Variants in COL5A1 observed in about 807,000 individuals in gnomAD.
COL5A1 encodes collagen alpha-1(V) chain.
COL5A1 carries 16 observed loss-of-function variants against 263.7 expected under a neutral mutation model. The observed-to-expected ratio is 0.06, with a 90% CI of 0.04 to 0.09. The LOEUF is 0.09. Among genes scored for constraint, COL5A1 ranks in the 10% least tolerant of loss-of-function variants. COL5A1 has a pLI of 1.00. For missense variants in COL5A1, 2,036 were observed against 2,540.5 expected, an observed-to-expected ratio of 0.80 and a Z score of 4.27; for synonymous variants, 1,012 against 1,004.5, an observed-to-expected ratio of 1.01 and a Z score of -0.14.
rs1369816693 is a variant in COL5A1 at position 134,841,457 on chromosome 9, G to A, written c.5371-700G>A. Among the ~76,000 whole-genome samples the A allele has an allele frequency of 6.6e-6, 1 of 152,162 alleles. No homozygotes were observed. Among genetic ancestry groups the A allele is most frequent in the East Asian group, 1.9e-4 (1 of 5,178 alleles). On this transcript the variant is annotated intron_variant, in intron 65 of 65. Transcript: ENST00000371817. The surrounding 1 kb of genome is among the most constrained non-coding windows in gnomAD (Gnocchi z 4.8). ...TCCATCCCACATCCCAGCGCCCAGG[G>A]TTGTGCTGTTTTGAGCAAGGGATGG...
At chr9:134,820,896 GAC>G (rs1025710728) in intron 58 of COL5A1, among the ~76,000 whole-genome samples, 1 of 152,082 alleles carries the variant, frequency 6.6e-6, no homozygotes, top group African/African-American at 2.4e-5. Flanking sequence ...AGGTGTGACG[GAC>G]ACACACACGC....
chr9:134,753,961 C>T (rs371420777), intron 15 of COL5A1, 58 bp downstream of exon 15: 17 of 1,466,796 alleles, frequency 1.2e-5, no homozygotes, highest in South Asian at 7.9e-5. Context: ...CCGGCGGCAG[C>T]GACGGCGAGC....
At chr9:134,662,577 T>TG (rs1170522560) in intron 1 of COL5A1, among the ~76,000 whole-genome samples, 1 of 152,186 alleles carries the variant, frequency 6.6e-6, no homozygotes, top group East Asian at 1.9e-4. Flanking sequence ...CCTTGGGTGA[T>TG]GGGAGGCTGA....
chr9:134,835,182 G>A lies in COL5A1; in HGVS notation c.5348G>A (p.Arg1783His), dbSNP rs777045810. ...TCCTATGACAACAACCCCTACATCC[G>A]CGCCCTGGTGGACGGCTGTGCTGTG... ...EMSYDNNPYI[R>H]ALVDGCATKK... The change falls in exon 65 of 66, where the codon CGC becomes CAC. Residue 1783 changes from arginine (R) to histidine (H), a missense_variant. Arg to His is a conservative substitution (Grantham distance 29). Around this residue, in one of 3 missense-constraint regions of COL5A1, gnomAD observed 358 missense variants for 384.6 expected, o/e 0.93. Coordinates refer to ENST00000371817, the MANE Select transcript of COL5A1 (RefSeq NM_000093.5). 2.5e-5 allele frequency: 41 copies of A among 1,613,652 alleles called. 1 individual carries two copies. Among genetic ancestry groups the A allele is most frequent in the South Asian group, 2.0e-4 (18 of 91,082 alleles).
chr9:134,842,659 C>A lies in COL5A1; in HGVS notation c.*356C>A. On this transcript the variant is annotated 3_prime_UTR_variant, in exon 66 of 66. Transcript: ENST00000371817. This position sits in a 1 kb window ranked among gnomAD's most constrained non-coding sequence, Gnocchi z 5.8. Reference sequence around the variant, plus strand: ...TAGGTCTCAGGGGTTGGGGGAGGGACTGCCAGATTTGGACACTATATTTTT... The same window carrying A: ...TAGGTCTCAGGGGTTGGGGGAGGGAATGCCAGATTTGGACACTATATTTTT... The A allele has an allele frequency of 2.5e-6, 1 of 392,544 alleles. No homozygotes were observed. Among genetic ancestry groups the A allele is most frequent in the South Asian group, 3.6e-5 (1 of 27,674 alleles). 24.3% of individuals were successfully genotyped at this position (392,544 alleles called of 1,614,324 possible).
intron 1 of COL5A1, among the ~76,000 whole-genome samples, chr9:134,676,576 T>C (rs1338508202): frequency 1.2e-5 from 1 of 82,652 alleles, no homozygotes; most frequent in African/African-American, 6.5e-5. Flanking sequence ...TACATCTGCA[T>C]TGAGATCCTG....
chr9:134,774,715 C>CG (rs1836990031), intron 26 of COL5A1, 144 bp from the exon 27 acceptor site: 8 of 806,890 alleles, frequency 9.9e-6, no homozygotes, highest in South Asian at 3.0e-5. Context: ...GAGTCTCCCA[C>CG]GGGGGGCCTC....
At chr9:134,808,517 G>A (rs778016669) in intron 42 of COL5A1, among the ~76,000 whole-genome samples, 4 of 152,178 alleles carry the variant, frequency 2.6e-5, no homozygotes, top group Non-Finnish European at 4.4e-5. Context: ...ATACATGTCA[G>A]TGTGCTTCTT....
intron 1 of COL5A1, among the ~76,000 whole-genome samples, chr9:134,645,077 G>A (rs965677416): frequency 6.6e-6 from 1 of 152,196 alleles, no homozygotes; most frequent in African/African-American, 2.4e-5. Context: ...TGCCGGAGGG[G>A]TTGGAGTTTT....
intron 18 of COL5A1, among the ~76,000 whole-genome samples, chr9:134,760,473 A>C (rs1412466941): frequency 3.0e-5 from 3 of 99,522 alleles, no homozygotes; most frequent in African/African-American, 1.5e-4. Context: ...CCCCACATTC[A>C]TACACACATG....
intron 32 of COL5A1, among the ~76,000 whole-genome samples, chr9:134,791,187 C>T (rs1162612014): frequency 6.6e-6 from 1 of 152,240 alleles, no homozygotes; most frequent in Non-Finnish European, 1.5e-5. Flanking sequence ...CTACTCACAG[C>T]CTTTCTGCAG....
At chr9:134,805,770 A>C (rs1838273875) in intron 41 of COL5A1, among the ~76,000 whole-genome samples, 1 of 151,834 alleles carries the variant, frequency 6.6e-6, no homozygotes, top group Non-Finnish European at 1.5e-5. Context: ...GGGGCCCTGG[A>C]GGGGAGGGGT....
intron 1 of COL5A1, among the ~76,000 whole-genome samples, chr9:134,688,597 G>A (rs577246622): frequency 2.6e-5 from 4 of 152,220 alleles, no homozygotes; most frequent in Admixed American, 6.5e-5. Context: ...TGGGTGGGCT[G>A]TGCCCTGCTT....
chr9:134,750,558 C>G lies in COL5A1; in HGVS notation c.1511C>G (p.Pro504Arg). 1 of 1,613,666 alleles carries G rather than the reference C, an allele frequency of 6.2e-7. No homozygotes were observed. Among genetic ancestry groups the G allele is most frequent in the Non-Finnish European group, 8.5e-7 (1 of 1,180,032 alleles). ...DPGERGPPGR[P>R]GLPGADGLPG... The stretch of plus-strand genomic sequence containing the variant: ...TGTCTTCAGGGCCCCCCTGGACGCC[C>G]AGGCCTTCCTGGGGCCGATGGCCTG... The change falls in exon 12 of 66, where the codon CCA becomes CGA. Residue 504 changes from proline to arginine, a missense_variant. By Grantham distance (103) the Pro-to-Arg change is moderately radical (BLOSUM62 -2). Transcript: ENST00000371817.
At chr9:134,659,651 C>T (rs1832139456) in intron 1 of COL5A1, among the ~76,000 whole-genome samples, 1 of 152,194 alleles carries the variant, frequency 6.6e-6, no homozygotes. Context: ...TCCTCCCTGC[C>T]CTCCTGCATC....
At chr9:134,760,922 TAC>T (rs370304787) in intron 18 of COL5A1, among the ~76,000 whole-genome samples, 2,730 of 112,396 alleles carry the variant, frequency 0.024, 85 homozygotes, top group African/African-American at 0.088. Flanking sequence ...CACACACACG[TAC>T]ACACATGCAC....
chr9:134,670,786 C>T (rs1832517149), intron 1 of COL5A1, among the ~76,000 whole-genome samples: 1 of 152,246 alleles, frequency 6.6e-6, no homozygotes, highest in African/African-American at 2.4e-5. Context: ...CTTTCCCCTC[C>T]TTCCCTCCCT....
intron 1 of COL5A1, among the ~76,000 whole-genome samples, chr9:134,646,184 A>G (rs1385384420): frequency 6.6e-6 from 1 of 152,208 alleles, no homozygotes; most frequent in East Asian, 1.9e-4. Context: ...GACCGAGGCA[A>G]ATGGGATGGG....
At chr9:134,827,122 G>C (rs1331720982) in intron 63 of COL5A1, among the ~76,000 whole-genome samples, 3 of 152,226 alleles carry the variant, frequency 2.0e-5, no homozygotes, top group Non-Finnish European at 4.4e-5. Context: ...GCGGTTTGCT[G>C]TGCAGGTCCA....
Sources: gnomAD v4.1 joint callset for allele counts (sites outside exome capture counted in the v4.1 genomes callset) on GRCh38, gnomAD v4.1.1 for gene constraint, gnomAD v4.1.1 regional missense constraint, Gnocchi (gnomAD v3.1) non-coding constraint, MANE v1.5 for transcripts, NCBI Gene and HGNC (gene_info 2026-07-23, HGNC 2026-07-21) for gene names.